The following RAD21 variants were observed in gnomAD, a reference collection of about 807,000 sequenced individuals.
RAD21 encodes RAD21 cohesin complex component, also known as double-strand-break repair protein rad21 homolog.
Under a neutral mutation model 71.5 loss-of-function variants are expected in RAD21, and 18 were observed. The observed-to-expected ratio is 0.25, with a 90% CI of 0.17 to 0.37. RAD21 has a LOEUF of 0.37. Among genes scored for constraint, RAD21 ranks in the 10% least tolerant of loss-of-function variants. The pLI, the probability that RAD21 is intolerant of heterozygous loss-of-function variation, is 1.00. For missense variants in RAD21, 493 were observed against 769.1 expected (o/e 0.64, Z 4.25); for synonymous variants, 248 against 254.0 (o/e 0.98, Z 0.22).
In RAD21 at chr8:116,856,676, C is replaced by T. The variant is rs1337089126; in HGVS notation, c.784G>A (p.Asp262Asn). Reference protein sequence around the residue: ...GVMLPEQPAHDDMDEDDNVSM... With the variant: ...GVMLPEQPAHNDMDEDDNVSM... ...ACATTATCATCCTCATCCATATCGT[C>T]ATGTGCAGGCTGCTCTGGCAACATC... The change falls in exon 7 of 14, where the codon GAC becomes AAC. Residue 262 changes from aspartate to asparagine, a missense_variant. Transcript: ENST00000297338. The T allele has an allele frequency of 6.3e-7, 1 of 1,595,836 alleles. No individual in the cohort carries two copies. Among genetic ancestry groups the T allele is most frequent in the Non-Finnish European group, 8.5e-7 (1 of 1,170,914 alleles).
intron 5 of RAD21, 58 bp from the exon 6 acceptor site, chr8:116,857,531 A>T (rs1418790965): frequency 1.0e-5 from 14 of 1,343,398 alleles, no homozygotes; most frequent in Non-Finnish European, 1.5e-5. Context: ...ACTGTGATAA[A>T]AGAAAACTGC....
chr8:116,870,138 T>G (rs1431218698), intron 1 of RAD21, among the ~76,000 whole-genome samples: 1 of 152,188 alleles, frequency 6.6e-6, no homozygotes, highest in East Asian at 1.9e-4. Context: ...GGATTATTAA[T>G]TCATACTAAA....
In RAD21 at chr8:116,849,025, T is replaced by C; in HGVS notation, c.1625A>G (p.Glu542Gly). Reference protein sequence around the residue: ...EKEDDEEEEDEDASGGDQDQE... With the variant: ...EKEDDEEEEDGDASGGDQDQE... ...ATCTTGATCGCCCCCTGATGCATCTTCATCCTGAATAAAAATGACCCCCAA... is the reference window on the plus strand; with the variant it reads ...ATCTTGATCGCCCCCTGATGCATCTCCATCCTGAATAAAAATGACCCCCAA... Residue 542 changes from glutamate (E) to glycine (G), a missense_variant, in exon 13 of 14, where the codon GAA (glutamate) becomes GGA (glycine). This residue lies in a region of RAD21 where 225 missense variants were observed against 218.3 expected (regional missense o/e 1.03). Coordinates refer to ENST00000297338, the MANE Select transcript of RAD21 (RefSeq NM_006265.3). 1 of 1,579,348 alleles carries C rather than the reference T, an allele frequency of 6.3e-7. No individual in the cohort carries two copies. The highest frequency in any genetic ancestry group is 8.6e-7 in the Non-Finnish European group (1 of 1,165,976).
intron 11 of RAD21, 159 bp from the exon 12 acceptor site, chr8:116,850,926 T>A: frequency 2.3e-6 from 1 of 442,644 alleles, no homozygotes; most frequent in Non-Finnish European, 4.0e-6. Context: ...ACAGTATATA[T>A]CTTTTTTGAT....
At chr8:116,873,000 T>C (rs1012033753) in intron 1 of RAD21, among the ~76,000 whole-genome samples, 5 of 152,196 alleles carry the variant, frequency 3.3e-5, no homozygotes, top group Non-Finnish European at 5.9e-5. Context: ...TCAAAAAAGA[T>C]TATGAAAATT....
chr8:116,859,100 GAAA>G (rs34657051), intron 4 of RAD21, among the ~76,000 whole-genome samples: 1 of 88,948 alleles, frequency 1.1e-5, no homozygotes, highest in Non-Finnish European at 2.7e-5. Flanking sequence ...CGAACTGGGA[GAAA>G]AAAAAAAAAA....
intron 5 of RAD21, 150 bp from the exon 6 acceptor site, chr8:116,857,623 C>G: frequency 1.4e-6 from 1 of 729,512 alleles, no homozygotes; most frequent in Non-Finnish European, 2.2e-6. Flanking sequence ...AACTTTAATT[C>G]TTTAGCATCT....
intron 5 of RAD21, among the ~76,000 whole-genome samples, chr8:116,857,830 C>T (rs2130470160): frequency 6.6e-6 from 1 of 152,272 alleles, no homozygotes; most frequent in African/African-American, 2.4e-5. Context: ...GAATCTGGTT[C>T]TGGGCACAGT....
rs143361466 is a variant in RAD21 at position 116,873,781 on chromosome 8, C to T, written c.-33+830G>A. ...CCCCACACTATCAAAGCGGATCATT[C>T]GCAAAAAGCCTTTTTCAGCGACGAA... On this transcript the variant is annotated intron_variant, in intron 1 of 13. Coordinates refer to ENST00000297338, the MANE Select transcript of RAD21 (RefSeq NM_006265.3). 7.9e-3 allele frequency among the ~76,000 whole-genome samples: 1,197 copies of T among 152,008 alleles called. 14 individuals carry two copies. The highest frequency in any genetic ancestry group is 0.028 in the African/African-American group (1,142 of 41,454).
chr8:116,865,732 T>C (rs1586275311), intron 2 of RAD21, among the ~76,000 whole-genome samples: 1 of 152,204 alleles, frequency 6.6e-6, no homozygotes, highest in South Asian at 2.1e-4. Context: ...TAGGCTTTCC[T>C]GTGTACATGT....
Position 116,858,359 on chromosome 8 carries a change from AT to A in RAD21, c.473del (p.Asn158MetfsTer13). On this transcript the variant is annotated frameshift_variant, in exon 5 of 14. Coordinates refer to ENST00000297338, the MANE Select transcript of RAD21 (RefSeq NM_006265.3). LOFTEE classifies it high-confidence loss of function. ...AATTTGTTTCTCTTTTACCAAAATC[AT>A]TTTCTTGTAAAATACTGATGTTCCC... ...EVGNISILQENDFGDFGMDDR... is the reference protein window; with the variant it reads ...EVGNISILQEXDFGDFGMDDR... The A allele has an allele frequency of 6.2e-7, 1 of 1,603,298 alleles. No homozygotes were observed.
rs147347159 is a variant in RAD21 at position 116,866,100 on chromosome 8, C to T, written c.144+486G>A. Among the ~76,000 whole-genome samples the T allele has an allele frequency of 2.3e-3, 345 of 152,266 alleles. 1 individual carries two copies. The highest frequency in any genetic ancestry group is 8.0e-3 in the African/African-American group (332 of 41,556). On this transcript the variant is annotated intron_variant, in intron 2 of 13. Transcript: ENST00000297338. ...TAGTCTGTGCTCTGCCTACTCAACC[C>T]TCCATTCTCTCCCCAACCTACCATC... is the stretch of plus-strand genomic sequence containing the variant.
At position 116,869,338 on chromosome 8, in the gene RAD21, A is replaced by G. The variant is rs1288381740; in HGVS notation, c.-32-2577T>C. 2.0e-5 allele frequency among the ~76,000 whole-genome samples: 3 copies of G among 152,210 alleles called. No individual in the cohort carries two copies. The East Asian group carries it at 5.8e-4, about 29-fold the overall frequency. ...GCTGGCTCATGCCTGTAAACCCAGC[A>G]CTTTGGCAGGCCAAGACAGGCAGAT... On this transcript the variant is annotated intron_variant, in intron 1 of 13. Coordinates refer to ENST00000297338, the MANE Select transcript of RAD21 (RefSeq NM_006265.3).
At chr8:116,848,396 TA>T (rs1397628354) in intron 13 of RAD21, among the ~76,000 whole-genome samples, 1 of 152,100 alleles carries the variant, frequency 6.6e-6, no homozygotes, top group Non-Finnish European at 1.5e-5. Context: ...AATATAGTAG[TA>T]AAATCTAGCA....
intron 10 of RAD21, 32 bp from the exon 11 acceptor site, chr8:116,852,128 G>T: frequency 2.5e-6 from 4 of 1,574,912 alleles, no homozygotes; most frequent in Non-Finnish European, 2.6e-6. Flanking sequence ...GAAAACATAG[G>T]TCATACAGTT....
chr8:116,863,859 T>C (rs1255918961), intron 2 of RAD21, among the ~76,000 whole-genome samples: 1 of 152,090 alleles, frequency 6.6e-6, no homozygotes, highest in Admixed American at 6.6e-5. Flanking sequence ...TGGAGAGTTC[T>C]TGGATGACAT....
intron 1 of RAD21, among the ~76,000 whole-genome samples, chr8:116,873,398 G>A (rs1359387421): frequency 6.6e-6 from 1 of 152,068 alleles, no homozygotes; most frequent in African/African-American, 2.4e-5. Context: ...AGTTGCCTCC[G>A]ACATTAACAA....
At chr8:116,847,849 G>C (rs925944755) in intron 13 of RAD21, among the ~76,000 whole-genome samples, 158 bp from the exon 14 acceptor site, 3 of 151,122 alleles carry the variant, frequency 2.0e-5, no homozygotes, top group African/African-American at 7.4e-5. Context: ...TTTGTGTCAT[G>C]GGGTGGGGAT....
intron 4 of RAD21, among the ~76,000 whole-genome samples, chr8:116,859,885 C>T (rs944441620): frequency 2.6e-5 from 4 of 152,034 alleles, no homozygotes; most frequent in Non-Finnish European, 4.4e-5. Flanking sequence ...CACCAAACAG[C>T]CAAGTTTTGA....
Sources: allele counts gnomAD v4.1 joint callset (sites outside exome capture counted in the v4.1 genomes callset), GRCh38; gene constraint gnomAD v4.1.1; regional missense constraint gnomAD v4.1.1; transcripts MANE v1.5; gene names NCBI Gene and HGNC (gene_info 2026-07-23, HGNC 2026-07-21).